The following PTPRQ variants were observed in gnomAD, a reference collection of about 807,000 sequenced individuals.
PTPRQ encodes protein tyrosine phosphatase receptor type Q.
A neutral mutation model predicts 246.0 loss-of-function variants in PTPRQ; 199 were observed. That is an observed-to-expected ratio of 0.81 (90% CI 0.72 to 0.91). The LOEUF is 0.91. Among genes scored for constraint, PTPRQ ranks in the 40% least tolerant of loss-of-function variants. The probability of loss-of-function intolerance (pLI) is 0.00; values close to 1 mark genes in which losing one functional copy is unlikely to be tolerated. For missense variants in PTPRQ, 2,624 were observed against 2,528.4 expected, an observed-to-expected ratio of 1.04 and a Z score of -0.81; for synonymous variants, 869 against 853.2, an observed-to-expected ratio of 1.02 and a Z score of -0.32.
chr12:80,463,528 T>C (rs1396667826), intron 6 of PTPRQ, among the ~76,000 whole-genome samples: 1 of 152,052 alleles, frequency 6.6e-6, no homozygotes, highest in Non-Finnish European at 1.5e-5. Context: ...GCCACAAAGA[T>C]ACTCCTTGAG....
intron 26 of PTPRQ, among the ~76,000 whole-genome samples, chr12:80,594,526 C>T (rs1897905179): frequency 6.6e-6 from 1 of 152,092 alleles, no homozygotes; most frequent in Non-Finnish European, 1.5e-5. Context: ...TCCTCTAGGC[C>T]CGAATATTGA....
chr12:80,582,369 G>A, intron 25 of PTPRQ, among the ~76,000 whole-genome samples: 1 of 152,112 alleles, frequency 6.6e-6, no homozygotes, highest in Non-Finnish European at 1.5e-5. Context: ...ATAATTTGCT[G>A]CAATGGAGTG....
Position 80,606,633 on chromosome 12 carries a change from T to A in PTPRQ, c.4731+1453T>A, listed in dbSNP as rs943564031. ...TGATTTCTCCTCCTTTCTCTCTGTCTCTTGACCAACTTTATAATTTTATTA... is the reference window on the plus strand; with the variant it reads ...TGATTTCTCCTCCTTTCTCTCTGTCACTTGACCAACTTTATAATTTTATTA... On this transcript the variant is annotated intron_variant, in intron 27 of 44. Coordinates refer to ENST00000644991, the MANE Select transcript of PTPRQ (RefSeq NM_001145026.2). Among the ~76,000 whole-genome samples the A allele has an allele frequency of 3.3e-5, 5 of 151,128 alleles. No individual in the cohort carries two copies. In the Admixed American group the frequency reaches 3.3e-4, roughly 10 times the overall value.
chr12:80,549,651 C>A lies in PTPRQ; in HGVS notation c.4202C>A (p.Ser1401Ter). 6.4e-7 allele frequency: 1 copy of A among 1,551,164 alleles called. No homozygotes were observed. Among genetic ancestry groups the A allele is most frequent in the Non-Finnish European group, 8.7e-7 (1 of 1,146,572 alleles). The change falls in exon 25 of 45, where the codon TCA becomes TAA. Residue 1401 changes from serine to a stop codon, truncating the protein, a stop_gained. Transcript: ENST00000644991. LOFTEE classifies it high-confidence loss of function. Reference sequence around the variant, plus strand: ...TTCATAAAGCTTCTTGCCAATACCTCATATGTCTTTAAAGTAAGAGCTTCA... The same window carrying A: ...TTCATAAAGCTTCTTGCCAATACCTAATATGTCTTTAAAGTAAGAGCTTCA... Reference protein sequence around the residue: ...YTFIKLLANTSYVFKVRASTS... With the variant: ...YTFIKLLANT
intron 8 of PTPRQ, among the ~76,000 whole-genome samples, chr12:80,480,206 A>G (rs1264265934): frequency 6.6e-6 from 1 of 152,194 alleles, no homozygotes; most frequent in East Asian, 1.9e-4. Context: ...ACTAGAACTC[A>G]GGATTAAGAA....
At chr12:80,523,278 T>C (rs1037867251) in intron 17 of PTPRQ, among the ~76,000 whole-genome samples, 1 of 152,060 alleles carries the variant, frequency 6.6e-6, no homozygotes, top group South Asian at 2.1e-4. Flanking sequence ...GTCTTGCTAG[T>C]GGTCTATCAA....
chr12:80,479,721 G>A (rs1893963773), intron 8 of PTPRQ, among the ~76,000 whole-genome samples: 1 of 149,360 alleles, frequency 6.7e-6, no homozygotes, highest in Non-Finnish European at 1.5e-5. Flanking sequence ...GGCAGGGGTT[G>A]CAATCCTAGT....
intron 38 of PTPRQ, among the ~76,000 whole-genome samples, chr12:80,653,232 A>C (rs2121234008): frequency 6.6e-6 from 1 of 152,316 alleles, no homozygotes; most frequent in South Asian, 2.1e-4. Flanking sequence ...AACATAAAAA[A>C]AATGCATTGT....
chr12:80,453,075 T>A (rs1892829014), intron 3 of PTPRQ, among the ~76,000 whole-genome samples: 1 of 152,142 alleles, frequency 6.6e-6, no homozygotes, highest in African/African-American at 2.4e-5. Flanking sequence ...CTTTTTATTC[T>A]TTTTTCTCTA....
rs1170755729 is a variant in PTPRQ at position 80,454,151 on chromosome 12, G to A, written c.391-3424G>A. On this transcript the variant is annotated intron_variant, in intron 3 of 44. Coordinates refer to ENST00000644991, the MANE Select transcript of PTPRQ (RefSeq NM_001145026.2). ...CTGTGCTAGCAATCAGGCAGACTCCGTGGGGGTAAGACCCCCTGAGCCATG... is the reference window on the plus strand; with the variant it reads ...CTGTGCTAGCAATCAGGCAGACTCCATGGGGGTAAGACCCCCTGAGCCATG... 3.5e-4 allele frequency among the ~76,000 whole-genome samples: 43 copies of A among 124,236 alleles called. 1 individual carries two copies. The highest frequency in any genetic ancestry group is 1.3e-3 in the Admixed American group (17 of 12,644). The allele number at this position is 124,236 out of a possible 152,430, so 81.5% of individuals were successfully genotyped here.
intron 20 of PTPRQ, 144 bp from the exon 21 acceptor site, chr12:80,541,411 T>G (rs1340145366): frequency 8.1e-6 from 4 of 495,380 alleles, no homozygotes; most frequent in Admixed American, 4.1e-5. Flanking sequence ...TTATAATAGG[T>G]GAATGTTTGC....
chr12:80,475,874 G>T (rs1893794476), intron 8 of PTPRQ, among the ~76,000 whole-genome samples: 1 of 151,942 alleles, frequency 6.6e-6, no homozygotes, highest in Non-Finnish European at 1.5e-5. Context: ...ACTACTCTTG[G>T]TTTCACTAGC....
intron 9 of PTPRQ, 38 bp downstream of exon 9, chr12:80,484,643 C>T (rs771983585): frequency 5.9e-5 from 91 of 1,541,884 alleles, no homozygotes; most frequent in Non-Finnish European, 7.4e-5. Context: ...TGAACCCTTT[C>T]TGCTTGGTTC....
chr12:80,566,849 A>AT (rs886315376), intron 25 of PTPRQ, among the ~76,000 whole-genome samples: 5 of 152,296 alleles, frequency 3.3e-5, no homozygotes, highest in African/African-American at 1.2e-4. Flanking sequence ...CTACTTTAAT[A>AT]TTTTTTAAAA....
intron 26 of PTPRQ, among the ~76,000 whole-genome samples, chr12:80,589,926 G>T (rs964739737): frequency 9.9e-5 from 15 of 152,214 alleles, no homozygotes; most frequent in South Asian, 4.2e-4. Context: ...TTCTTTATCA[G>T]CACACAACCC....
chr12:80,483,687 A>G (rs1279846221), intron 8 of PTPRQ, among the ~76,000 whole-genome samples: 1 of 151,788 alleles, frequency 6.6e-6, no homozygotes, highest in East Asian at 2.0e-4. Context: ...TGCACCCATC[A>G]AAGTGTCATC....
intron 14 of PTPRQ, among the ~76,000 whole-genome samples, chr12:80,499,195 A>T (rs1894722354): frequency 6.6e-6 from 1 of 152,022 alleles, no homozygotes. Context: ...CTAAAAAAAT[A>T]AAGAGAAGGG....
chr12:80,577,430 G>A (rs559066509), intron 25 of PTPRQ, among the ~76,000 whole-genome samples: 10 of 152,236 alleles, frequency 6.6e-5, no homozygotes, highest in Admixed American at 3.3e-4. Context: ...CAGGATGGGG[G>A]AAACCACACC....
chr12:80,528,491 T>C (rs1895756003), intron 17 of PTPRQ, among the ~76,000 whole-genome samples: 1 of 151,942 alleles, frequency 6.6e-6, no homozygotes, highest in African/African-American at 2.4e-5. Context: ...TTTTTTCTAA[T>C]CTCACTAATC....
Sources: allele counts gnomAD v4.1 joint callset (sites outside exome capture counted in the v4.1 genomes callset), GRCh38; gene constraint gnomAD v4.1.1; transcripts MANE v1.5; gene names NCBI Gene and HGNC (gene_info 2026-07-23, HGNC 2026-07-21).